The following TPST2 variants were observed in gnomAD, a reference collection of about 807,000 sequenced individuals.
The protein encoded by TPST2 is protein-tyrosine sulfotransferase 2.
In TPST2, 16 loss-of-function variants were observed where a neutral mutation model predicts 27.8. That is an observed-to-expected ratio of 0.58 (90% CI 0.39 to 0.88). The LOEUF is 0.88. Ranked by LOEUF, TPST2 falls within the 40% of genes least tolerant of loss-of-function variation. TPST2 has a pLI of 0.00. For synonymous variants in TPST2, 229 were observed against 231.7 expected (o/e 0.99, Z 0.10); for missense variants, 464 against 543.1 (o/e 0.85, Z 1.45).
rs149665213 is a variant in TPST2 at position 26,531,090 on chromosome 22, G to C, written c.1092+1605C>G. On this transcript the variant is annotated intron_variant, in intron 5 of 6. Transcript: ENST00000338754. ...GTGTATGACATATGCAAGATGTCTAGCTGACCTGGGACTGGTTTTTGTTGC... is the reference window on the plus strand; with the variant it reads ...GTGTATGACATATGCAAGATGTCTACCTGACCTGGGACTGGTTTTTGTTGC... 2.0e-3 allele frequency among the ~76,000 whole-genome samples: 311 copies of C among 152,294 alleles called. 3 individuals are homozygous for C. Among genetic ancestry groups the C allele is most frequent in the African/African-American group, 7.2e-3 (299 of 41,560 alleles).
Position 26,541,352 on chromosome 22 carries a change from C to G in TPST2, c.279G>C (p.Glu93Asp), listed in dbSNP as rs1925809652. 6.4e-6 allele frequency: 10 copies of G among 1,552,546 alleles called. No individual in the cohort carries two copies. Among genetic ancestry groups the G allele is most frequent in the Non-Finnish European group, 8.7e-6 (10 of 1,147,734 alleles). ...LMRAMLDAHP[E>D]VRCGEETRII... Reference sequence around the variant, plus strand: ...TGCGGGTCTCCTCGCCGCAGCGCACCTCGGGGTGCGCGTCCAGCATGGCGC... The same window carrying G: ...TGCGGGTCTCCTCGCCGCAGCGCACGTCGGGGTGCGCGTCCAGCATGGCGC... The change falls in exon 3 of 7, where the codon GAG becomes GAC. Residue 93 changes from glutamate (E) to aspartate (D), a missense_variant. Physicochemically the swap from Glu to Asp is conservative, Grantham distance 45. Transcript: ENST00000338754. This position sits in a 1 kb window ranked among gnomAD's most constrained non-coding sequence, Gnocchi z 5.9.
At chr22:26,567,553 T>C (rs1927428995) in intron 1 of TPST2, among the ~76,000 whole-genome samples, 1 of 152,230 alleles carries the variant, frequency 6.6e-6, no homozygotes, top group Non-Finnish European at 1.5e-5. Flanking sequence ...AAACTGAGGC[T>C]CACACATGTG....
At chr22:26,578,468 G>A (rs1446936832) in intron 1 of TPST2, among the ~76,000 whole-genome samples, 1 of 152,150 alleles carries the variant, frequency 6.6e-6, no homozygotes, top group African/African-American at 2.4e-5. Flanking sequence ...TCCACGGTGA[G>A]GTCAGCAACC....
At chr22:26,538,313 T>C (rs1037483606) in intron 3 of TPST2, among the ~76,000 whole-genome samples, 1 of 152,246 alleles carries the variant, frequency 6.6e-6, no homozygotes, top group Non-Finnish European at 1.5e-5. Flanking sequence ...CTACCCAATA[T>C]GTCAAAAATC....
chr22:26,577,746 T>C (rs558490613), intron 1 of TPST2, among the ~76,000 whole-genome samples: 16 of 141,992 alleles, frequency 1.1e-4, no homozygotes, highest in African/African-American at 4.2e-4. Flanking sequence ...GCAACCTCCA[T>C]CTCCCAGGTT....
At chr22:26,575,823 G>A (rs1477971221) in intron 1 of TPST2, among the ~76,000 whole-genome samples, 2 of 151,968 alleles carry the variant, frequency 1.3e-5, no homozygotes, top group East Asian at 1.9e-4. Flanking sequence ...GTGAAACCCC[G>A]TATCTACTAA....
At chr22:26,577,583 T>TCA (rs1460495741) in intron 1 of TPST2, among the ~76,000 whole-genome samples, 3 of 151,584 alleles carry the variant, frequency 2.0e-5, no homozygotes, top group Non-Finnish European at 2.9e-5. Flanking sequence ...ACTCCTGACC[T>TCA]TGTAATCTGC....
At chr22:26,566,974 C>T (rs909127933) in intron 1 of TPST2, among the ~76,000 whole-genome samples, 2 of 152,114 alleles carry the variant, frequency 1.3e-5, no homozygotes, top group African/African-American at 2.4e-5. Flanking sequence ...GCCGCATCCC[C>T]GGCCTCTACC....
intron 4 of TPST2, among the ~76,000 whole-genome samples, chr22:26,533,489 G>A (rs755871402): frequency 1.1e-3 from 164 of 152,098 alleles, no homozygotes; most frequent in Non-Finnish European, 1.8e-3. Flanking sequence ...AGACCCAAAC[G>A]ACAAGGAAAA....
At chr22:26,532,816 C>T in intron 4 of TPST2, 71 bp from the exon 5 acceptor site, 1 of 1,435,320 alleles carries the variant, frequency 7.0e-7, no homozygotes, top group Non-Finnish European at 9.7e-7. Context: ...ATTCCCAACA[C>T]ATCCAGTCAT....
chr22:26,582,354 GAGGC>G (rs968193303), intron 1 of TPST2, among the ~76,000 whole-genome samples: 2 of 152,148 alleles, frequency 1.3e-5, no homozygotes, highest in African/African-American at 4.8e-5. Flanking sequence ...TTGAACCCGG[GAGGC>G]AGAGGTTGCA....
chr22:26,584,424 C>T (rs1928254411), intron 1 of TPST2, among the ~76,000 whole-genome samples: 1 of 152,160 alleles, frequency 6.6e-6, no homozygotes, highest in African/African-American at 2.4e-5. Flanking sequence ...ATAGTTATAA[C>T]AACACCTGAT....
Position 26,564,914 on chromosome 22 carries a change from T to C in TPST2, c.-160-20239A>G, listed in dbSNP as rs111980536. 6.3e-3 allele frequency among the ~76,000 whole-genome samples: 960 copies of C among 152,262 alleles called. 13 individuals are homozygous for C. Among genetic ancestry groups the C allele is most frequent in the Middle Eastern group, 0.027 (8 of 294 alleles). On this transcript the variant is annotated intron_variant, in intron 1 of 6. Coordinates refer to ENST00000338754, the MANE Select transcript of TPST2 (RefSeq NM_003595.5). ...GGCCCTGGGCAAACTGCTTCACCTC[T>C]CTGAGCCTCCACTTTCTCAGCAGTG... is the stretch of plus-strand genomic sequence containing the variant.
At chr22:26,542,931 G>A (rs1432863832) in intron 2 of TPST2, among the ~76,000 whole-genome samples, 1 of 152,190 alleles carries the variant, frequency 6.6e-6, no homozygotes, top group Non-Finnish European at 1.5e-5. Flanking sequence ...GGCTGCCTGG[G>A]CCTTCTTAGG....
At chr22:26,539,316 G>T (rs890629339) in intron 3 of TPST2, among the ~76,000 whole-genome samples, 1 of 152,170 alleles carries the variant, frequency 6.6e-6, no homozygotes, top group African/African-American at 2.4e-5. Flanking sequence ...CGTGGAAACT[G>T]CATATTCTGC....
intron 1 of TPST2, among the ~76,000 whole-genome samples, chr22:26,576,564 G>C (rs915241329): frequency 6.6e-6 from 1 of 152,078 alleles, no homozygotes; most frequent in African/African-American, 2.4e-5. Flanking sequence ...GCGGGTAGAA[G>C]TGTGAAAGCA....
In TPST2 at chr22:26,532,722, T is replaced by C. The variant is rs766877891; in HGVS notation, c.1065A>G (p.Thr355=). 3 of 1,613,886 alleles carry C rather than the reference T, an allele frequency of 1.9e-6. No homozygotes were observed. The South Asian group carries it at 3.3e-5, about 18-fold the overall frequency. The change falls in exon 5 of 7, where the codon ACA becomes ACG. Residue 355 remains threonine (T), a synonymous_variant. Transcript: ENST00000338754. The stretch of plus-strand genomic sequence containing the variant: ...GAAAATATCCTTTCAGATTGGCTGG[T>C]GTTTTATAGTCCCCTTTCAAGACCT... ...TQRVLKGDYK[T]PANLKGYFQV...
At chr22:26,546,256 C>T (rs920339191) in intron 1 of TPST2, among the ~76,000 whole-genome samples, 2 of 152,062 alleles carry the variant, frequency 1.3e-5, no homozygotes, top group Admixed American at 1.3e-4. Flanking sequence ...ACATCTAAAC[C>T]CAGATGGAAA....
intron 1 of TPST2, among the ~76,000 whole-genome samples, chr22:26,571,918 G>A (rs1015872410): frequency 5.9e-5 from 9 of 152,146 alleles, no homozygotes; most frequent in Non-Finnish European, 1.2e-4. Flanking sequence ...CCCACTGTCC[G>A]CCACCTGATC....
Sources: gnomAD v4.1 joint callset for allele counts (sites outside exome capture counted in the v4.1 genomes callset) on GRCh38, gnomAD v4.1.1 for gene constraint, Gnocchi (gnomAD v3.1) non-coding constraint, MANE v1.5 for transcripts, NCBI Gene and HGNC (gene_info 2026-07-23, HGNC 2026-07-21) for gene names.